Variants in KAT2B observed in about 807,000 individuals in gnomAD.
KAT2B encodes the protein histone acetyltransferase KAT2B.
In KAT2B, 36 loss-of-function variants were observed where a neutral mutation model predicts 105.9. That is an observed-to-expected ratio of 0.34 (90% CI 0.26 to 0.45). The LOEUF (loss-of-function observed/expected upper bound fraction) is 0.45, where lower values mean the gene tolerates loss of function less well. Among genes scored for constraint, KAT2B ranks in the 20% least tolerant of loss-of-function variants. KAT2B has a pLI of 1.00. For synonymous variants in KAT2B, 397 were observed against 377.9 expected (o/e 1.05, Z -0.59); for missense variants, 820 against 1,021.6 (o/e 0.80, Z 2.69).
chr3:20,054,549 G>A (rs994389328), intron 1 of KAT2B, among the ~76,000 whole-genome samples: 2 of 152,216 alleles, frequency 1.3e-5, no homozygotes, highest in African/African-American at 4.8e-5. Flanking sequence ...GTTGTATGGG[G>A]TTGCTTCCAT....
chr3:20,124,009 G>A (rs1430760042), intron 9 of KAT2B, among the ~76,000 whole-genome samples: 1 of 152,056 alleles, frequency 6.6e-6, no homozygotes, highest in East Asian at 1.9e-4. Context: ...TTTTCAATTT[G>A]TCATGTTTCT....
rs181610365 is a variant in KAT2B, at chr3:20,144,061, A to T, written c.2005-2255A>T. ...AAAAGATCTCTTCTCCATACTGATT[A>T]CTAGAGGTACAGAGAGCTTAGGACG... is the stretch of plus-strand genomic sequence containing the variant. On this transcript the variant is annotated intron_variant, in intron 13 of 17. Transcript: ENST00000263754. 9.9e-5 allele frequency among the ~76,000 whole-genome samples: 15 copies of T among 152,250 alleles called. No homozygotes were observed. The East Asian group carries it at 2.9e-3, about 29-fold the overall frequency.
At chr3:20,065,387 A>G (rs1055649551) in intron 1 of KAT2B, among the ~76,000 whole-genome samples, 3 of 152,168 alleles carry the variant, frequency 2.0e-5, no homozygotes, top group Admixed American at 6.5e-5. Flanking sequence ...AGCAGCTGTC[A>G]TGCCTAATTA....
intron 5 of KAT2B, among the ~76,000 whole-genome samples, chr3:20,105,843 A>G (rs577678804): frequency 1.3e-5 from 2 of 151,976 alleles, no homozygotes; most frequent in African/African-American, 4.8e-5. Context: ...AAAAGAATAC[A>G]TAGCAAGTTA....
At chr3:20,124,557 A>G (rs1699365240) in intron 9 of KAT2B, among the ~76,000 whole-genome samples, 1 of 152,154 alleles carries the variant, frequency 6.6e-6, no homozygotes, top group African/African-American at 2.4e-5. Context: ...ATGATCCAAC[A>G]CTTCCCACTA....
intron 1 of KAT2B, among the ~76,000 whole-genome samples, chr3:20,062,550 C>A (rs1316160105): frequency 6.7e-6 from 1 of 148,758 alleles, no homozygotes; most frequent in Non-Finnish European, 1.5e-5. Context: ...TAACGTCTGC[C>A]TCCTGGGTTC....
intron 1 of KAT2B, among the ~76,000 whole-genome samples, chr3:20,071,589 A>G (rs1161473591): frequency 6.6e-6 from 1 of 152,218 alleles, no homozygotes; most frequent in Non-Finnish European, 1.5e-5. Context: ...CATAGGTCAG[A>G]TCACTTAAAG....
chr3:20,116,516 G>T (rs1365083620), intron 7 of KAT2B, among the ~76,000 whole-genome samples: 1 of 152,094 alleles, frequency 6.6e-6, no homozygotes, highest in African/African-American at 2.4e-5. Context: ...TTGTCCTGGG[G>T]TGTGGCCTGG....
chr3:20,113,647 C>T (rs1699158283), intron 6 of KAT2B, among the ~76,000 whole-genome samples: 1 of 152,164 alleles, frequency 6.6e-6, no homozygotes, highest in Admixed American at 6.6e-5. Context: ...ACAGTTTTGG[C>T]AGCAGAACCA....
At chr3:20,081,608 A>C (rs1305041994) in intron 2 of KAT2B, among the ~76,000 whole-genome samples, 2 of 152,142 alleles carry the variant, frequency 1.3e-5, no homozygotes, top group Admixed American at 1.3e-4. Flanking sequence ...CAAAAGGAAT[A>C]AACTTTGCCA....
At chr3:20,116,677 C>A (rs1357146110) in intron 7 of KAT2B, among the ~76,000 whole-genome samples, 1 of 152,064 alleles carries the variant, frequency 6.6e-6, no homozygotes, top group Non-Finnish European at 1.5e-5. Flanking sequence ...TTTTGATGGT[C>A]AGAGACCCAG....
At chr3:20,070,014 G>A (rs1698291572) in intron 1 of KAT2B, among the ~76,000 whole-genome samples, 1 of 152,172 alleles carries the variant, frequency 6.6e-6, no homozygotes, top group African/African-American at 2.4e-5. Flanking sequence ...TTCAAGGCCA[G>A]GTTCAGCCTG....
At chr3:20,138,214 A>AT (rs1699636449) in intron 12 of KAT2B, among the ~76,000 whole-genome samples, 2 of 152,050 alleles carry the variant, frequency 1.3e-5, no homozygotes, top group South Asian at 2.1e-4. Flanking sequence ...TTATTTTAAA[A>AT]TTTTTTCTGT....
intron 3 of KAT2B, among the ~76,000 whole-genome samples, chr3:20,097,819 A>G (rs974622909): frequency 2.6e-5 from 4 of 152,174 alleles, no homozygotes; most frequent in African/African-American, 9.7e-5. Context: ...TACAGGCATG[A>G]GCCACTGCAT....
intron 5 of KAT2B, 23 bp downstream of exon 5, chr3:20,101,491 C>G (rs199900176): frequency 3.3e-5 from 53 of 1,606,840 alleles, no homozygotes; most frequent in Non-Finnish European, 4.3e-5. Flanking sequence ...AAGTTCTTTT[C>G]CTTTGGCCCC....
intron 14 of KAT2B, 181 bp downstream of exon 14, chr3:20,146,611 C>A (rs921685978): frequency 1.0e-5 from 5 of 477,588 alleles, no homozygotes; most frequent in African/African-American, 9.7e-5. Context: ...CCACCCAATA[C>A]AAACAAACCA....
chr3:20,128,538 T>G (rs1288653783), intron 11 of KAT2B, among the ~76,000 whole-genome samples: 2 of 152,184 alleles, frequency 1.3e-5, no homozygotes, highest in African/African-American at 4.8e-5. Flanking sequence ...TGTCTTTGGC[T>G]TAGGTCCCTT....
intron 1 of KAT2B, among the ~76,000 whole-genome samples, chr3:20,053,638 AAGTCTGTATT>A (rs1174208702): frequency 6.6e-6 from 1 of 152,146 alleles, no homozygotes; most frequent in Admixed American, 6.5e-5. Context: ...TATATTCTAG[AAGTCTGTATT>A]ATATTAGTAA....
intron 17 of KAT2B, among the ~76,000 whole-genome samples, chr3:20,151,724 A>G (rs976568716): frequency 1.3e-5 from 2 of 152,186 alleles, no homozygotes; most frequent in Non-Finnish European, 2.9e-5. Context: ...ATAGTCTCAC[A>G]AGGCTTACTT....
Sources: allele counts gnomAD v4.1 joint callset (sites outside exome capture counted in the v4.1 genomes callset), GRCh38; gene constraint gnomAD v4.1.1; transcripts MANE v1.5; gene names NCBI Gene and HGNC (gene_info 2026-07-23, HGNC 2026-07-21).